The following KCNH1 variants were observed in gnomAD, a reference collection of about 807,000 sequenced individuals.
KCNH1 encodes the protein voltage-gated delayed rectifier potassium channel KCNH1.
Under a neutral mutation model 69.2 loss-of-function variants are expected in KCNH1, and 27 were observed. The observed-to-expected ratio is 0.39, with a 90% CI of 0.29 to 0.54. The LOEUF (loss-of-function observed/expected upper bound fraction) is 0.54, where lower values mean the gene tolerates loss of function less well. Among genes scored for constraint, KCNH1 ranks in the 20% least tolerant of loss-of-function variants. KCNH1 has a pLI of 0.68. For missense variants in KCNH1, 798 were observed against 1,261.6 expected, an observed-to-expected ratio of 0.63 and a Z score of 5.57; for synonymous variants, 456 against 487.7, an observed-to-expected ratio of 0.93 and a Z score of 0.86.
intron 5 of KCNH1, among the ~76,000 whole-genome samples, chr1:211,024,434 C>T (rs1443952655): frequency 6.6e-6 from 1 of 152,050 alleles, no homozygotes; most frequent in East Asian, 1.9e-4. Context: ...GAAAGAAGTC[C>T]AATGTGGCTG....
At chr1:210,951,581 T>C (rs1688062951) in intron 6 of KCNH1, among the ~76,000 whole-genome samples, 1 of 152,188 alleles carries the variant, frequency 6.6e-6, no homozygotes, top group Non-Finnish European at 1.5e-5. Context: ...CTTCTTGTCA[T>C]GGTTCCAGGG....
chr1:210,944,097 C>T (rs976437227), intron 6 of KCNH1, among the ~76,000 whole-genome samples: 1 of 152,226 alleles, frequency 6.6e-6, no homozygotes, highest in Non-Finnish European at 1.5e-5. Context: ...GGTAAAGAAA[C>T]TAACTCCAAA....
At chr1:210,917,179 G>C (rs1358981731) in intron 7 of KCNH1, among the ~76,000 whole-genome samples, 1 of 140,354 alleles carries the variant, frequency 7.1e-6, no homozygotes, top group Non-Finnish European at 1.5e-5. Flanking sequence ...AGAGAAGAGA[G>C]AAATAAAGAG....
chr1:210,727,657 G>A (rs183742089), intron 10 of KCNH1, among the ~76,000 whole-genome samples: 1 of 152,218 alleles, frequency 6.6e-6, no homozygotes, highest in Non-Finnish European at 1.5e-5. Flanking sequence ...AACAAAACAA[G>A]CTCCTTTTAA....
chr1:210,947,344 C>T (rs1028379904), intron 6 of KCNH1, among the ~76,000 whole-genome samples: 21 of 151,654 alleles, frequency 1.4e-4, no homozygotes, highest in Middle Eastern at 3.2e-3. Context: ...CCGAGGCGGG[C>T]GGATCACGAG....
At chr1:210,855,972 G>T (rs1685826522) in intron 7 of KCNH1, among the ~76,000 whole-genome samples, 1 of 152,116 alleles carries the variant, frequency 6.6e-6, no homozygotes, top group South Asian at 2.1e-4. Flanking sequence ...GTGGTCTCCT[G>T]CCCCAAGCAA....
chr1:211,112,201 G>A (rs1205673482), intron 1 of KCNH1, among the ~76,000 whole-genome samples: 4 of 146,162 alleles, frequency 2.7e-5, no homozygotes, highest in African/African-American at 2.6e-5. Context: ...GCCTGCCTCC[G>A]CCCCGTCTGG....
In KCNH1 at chr1:211,072,078, C is replaced by A. The variant is rs1690654775; in HGVS notation, c.558+10702G>T. On this transcript the variant is annotated intron_variant, in intron 5 of 10. Transcript: ENST00000271751. ...ATCACCTGAGGTCAGGAGTTCAAGA[C>A]CAGCCTGGCCAGCATGGTGAAACCC... Among the ~76,000 whole-genome samples, 4 of 152,120 alleles carry A rather than the reference C, an allele frequency of 2.6e-5. No homozygotes were observed. The South Asian group carries it at 8.3e-4, about 32-fold the overall frequency.
At chr1:210,821,067 A>C (rs1020424125) in intron 7 of KCNH1, among the ~76,000 whole-genome samples, 3 of 152,240 alleles carry the variant, frequency 2.0e-5, no homozygotes, top group African/African-American at 7.2e-5. Flanking sequence ...AAGTTTTTCA[A>C]ATCATACTAA....
chr1:210,741,072 A>G (rs952198132), intron 10 of KCNH1, among the ~76,000 whole-genome samples: 1 of 152,218 alleles, frequency 6.6e-6, no homozygotes, highest in Non-Finnish European at 1.5e-5. Context: ...AGGGAGACAC[A>G]TGCTCATTTA....
At chr1:210,929,464 A>C (rs1199701868) in intron 6 of KCNH1, among the ~76,000 whole-genome samples, 1 of 152,208 alleles carries the variant, frequency 6.6e-6, no homozygotes, top group Admixed American at 6.5e-5. Flanking sequence ...AAAGCATCTG[A>C]CAAAATTCAG....
chr1:210,846,529 G>A (rs1685552729), intron 7 of KCNH1, among the ~76,000 whole-genome samples: 1 of 152,156 alleles, frequency 6.6e-6, no homozygotes, highest in Admixed American at 6.5e-5. Context: ...CTAGCCATAT[G>A]TAGAAAGCTG....
At chr1:211,115,381 T>C (rs915106124) in intron 1 of KCNH1, among the ~76,000 whole-genome samples, 1 of 152,162 alleles carries the variant, frequency 6.6e-6, no homozygotes, top group African/African-American at 2.4e-5. Context: ...TATTAATCCT[T>C]GGTATGTCTG....
intron 7 of KCNH1, among the ~76,000 whole-genome samples, chr1:210,874,713 T>C (rs1450923164): frequency 6.6e-6 from 1 of 152,168 alleles, no homozygotes; most frequent in Non-Finnish European, 1.5e-5. Flanking sequence ...TTCATATACA[T>C]ATAGCAGCAT....
At chr1:210,849,368 T>TTTC (rs1685633399) in intron 7 of KCNH1, among the ~76,000 whole-genome samples, 3 of 144,362 alleles carry the variant, frequency 2.1e-5, no homozygotes, top group African/African-American at 8.2e-5. Context: ...TTTCTTTCTT[T>TTTC]TTTTTTTTTT....
At chr1:211,052,400 A>G (rs1690223047) in intron 5 of KCNH1, among the ~76,000 whole-genome samples, 1 of 152,206 alleles carries the variant, frequency 6.6e-6, no homozygotes. Context: ...CCACCTTGAG[A>G]TCATTGTGAG....
chr1:210,754,844 G>GCA (rs3040180), intron 10 of KCNH1, among the ~76,000 whole-genome samples: 2,753 of 148,914 alleles, frequency 0.018, 32 homozygotes, highest in Non-Finnish European at 0.025. Flanking sequence ...GTACACACGG[G>GCA]CACACACACA....
intron 7 of KCNH1, among the ~76,000 whole-genome samples, chr1:210,837,631 G>A (rs1685312722): frequency 6.6e-6 from 1 of 152,180 alleles, no homozygotes; most frequent in South Asian, 2.1e-4. Flanking sequence ...TGACAACAAT[G>A]ATTAACAGAC....
chr1:210,990,365 T>C (rs1013940689), intron 6 of KCNH1, among the ~76,000 whole-genome samples: 1 of 152,180 alleles, frequency 6.6e-6, no homozygotes, highest in South Asian at 2.1e-4. Context: ...TATTGCAGCA[T>C]CCCGGAGGGG....
Sources: allele counts gnomAD v4.1 joint callset (sites outside exome capture counted in the v4.1 genomes callset), GRCh38; gene constraint gnomAD v4.1.1; transcripts MANE v1.5; gene names NCBI Gene and HGNC (gene_info 2026-07-23, HGNC 2026-07-21).